EML4: variants seen among roughly 807,000 people sequenced by gnomAD.
EML4 encodes EMAP like 4, also known as echinoderm microtubule-associated protein-like 4.
A neutral mutation model predicts 129.0 loss-of-function variants in EML4; 72 were observed. That is an observed-to-expected ratio of 0.56 (90% CI 0.46 to 0.68). The LOEUF (loss-of-function observed/expected upper bound fraction) is 0.68, where lower values mean the gene tolerates loss of function less well. Ranked by LOEUF, EML4 falls within the 30% of genes least tolerant of loss-of-function variation. EML4 has a pLI of 0.00. For synonymous variants in EML4, 532 were observed against 405.0 expected (o/e 1.31, Z -3.77); for missense variants, 1,363 against 1,190.6 (o/e 1.14, Z -2.13).
At chr2:42,297,703 A>C (rs997985048) in intron 13 of EML4, among the ~76,000 whole-genome samples, 5 of 152,164 alleles carry the variant, frequency 3.3e-5, no homozygotes, top group Admixed American at 1.3e-4. Flanking sequence ...TCCAATTTAC[A>C]TATTCCCAAC....
At chr2:42,307,838 A>G (rs1445590326) in intron 17 of EML4, among the ~76,000 whole-genome samples, 1 of 152,128 alleles carries the variant, frequency 6.6e-6, no homozygotes, top group Non-Finnish European at 1.5e-5. Context: ...TATTTCTAGT[A>G]GAGACAGGGT....
intron 6 of EML4, among the ~76,000 whole-genome samples, 190 bp from the exon 7 acceptor site, chr2:42,280,660 G>A (rs1666953250): frequency 6.6e-6 from 1 of 152,166 alleles, no homozygotes; most frequent in South Asian, 2.1e-4. Context: ...GGTATCTGAG[G>A]AAGGTGTTCC....
At chr2:42,189,406 A>G (rs1037591267) in intron 1 of EML4, among the ~76,000 whole-genome samples, 2 of 152,156 alleles carry the variant, frequency 1.3e-5, no homozygotes, top group Non-Finnish European at 2.9e-5. Flanking sequence ...TAGCAAGACC[A>G]TGTCTCTACT....
At chr2:42,278,808 T>A (rs1425185361) in intron 6 of EML4, among the ~76,000 whole-genome samples, 2 of 151,824 alleles carry the variant, frequency 1.3e-5, no homozygotes, top group African/African-American at 4.8e-5. Context: ...TGGTGGCACA[T>A]GCCTATAATC....
At chr2:42,193,745 G>A (rs1044643537) in intron 1 of EML4, among the ~76,000 whole-genome samples, 1 of 151,832 alleles carries the variant, frequency 6.6e-6, no homozygotes, top group Non-Finnish European at 1.5e-5. Context: ...TTGTGCAGCA[G>A]CACAATCATG....
At chr2:42,329,093 ATAGGTTACTGAT>A (rs1314123359) in intron 22 of EML4, 77 bp downstream of exon 22, 1 of 1,446,006 alleles carries the variant, frequency 6.9e-7, no homozygotes, top group Non-Finnish European at 9.4e-7. Context: ...GCAAGAAAAT[ATAGGTTACTGAT>A]TCCTCTCCAT....
At chr2:42,316,462 A>C (rs915131859) in intron 18 of EML4, among the ~76,000 whole-genome samples, 8 of 152,250 alleles carry the variant, frequency 5.3e-5, no homozygotes, top group African/African-American at 1.7e-4. Context: ...AGGCCCTTCA[A>C]GTCCTTTAGA....
At chr2:42,273,795 A>ACTATTT in intron 6 of EML4, among the ~76,000 whole-genome samples, 1 of 152,282 alleles carries the variant, frequency 6.6e-6, no homozygotes, top group Non-Finnish European at 1.5e-5. Context: ...ACCCTTCTAA[A>ACTATTT]TTCCCTTTTA....
chr2:42,304,045 T>G (rs1454701475), intron 16 of EML4, among the ~76,000 whole-genome samples: 1 of 152,204 alleles, frequency 6.6e-6, no homozygotes, highest in Non-Finnish European at 1.5e-5. Context: ...ATGGAAACAT[T>G]TGTGCCTCGG....
intron 1 of EML4, among the ~76,000 whole-genome samples, chr2:42,214,700 C>T (rs1303104972): frequency 6.6e-6 from 1 of 152,084 alleles, no homozygotes; most frequent in Non-Finnish European, 1.5e-5. Flanking sequence ...GAGGGTCGTA[C>T]CTTTTGCATG....
chr2:42,187,049 C>CG (rs936585692), intron 1 of EML4, among the ~76,000 whole-genome samples: 58 of 15,202 alleles, frequency 3.8e-3, no homozygotes, highest in Non-Finnish European at 6.9e-3. Flanking sequence ...TTTTTTGGAG[C>CG]GGGGGGGTGG....
intron 6 of EML4, among the ~76,000 whole-genome samples, chr2:42,275,747 C>A (rs533919362): frequency 6.6e-6 from 1 of 152,298 alleles, no homozygotes; most frequent in South Asian, 2.1e-4. Context: ...CAGAAATTTT[C>A]ACCATACCAA....
rs147599768 is a variant in EML4 at position 42,234,928 on chromosome 2, G to A, written c.26-10577G>A. ...TCCCAACACTTTGGGAGGCCAAGGC[G>A]GGTGGATCACTGGAGGCCAGGAGTT... On this transcript the variant is annotated intron_variant, in intron 1 of 22. Transcript: ENST00000318522. Among the ~76,000 whole-genome samples the A allele has an allele frequency of 6.3e-3, 967 of 152,320 alleles. 6 individuals are homozygous for A. The highest frequency in any genetic ancestry group is 0.021 in the African/African-American group (884 of 41,572).
rs757226196 is a variant in EML4 at position 42,256,475 on chromosome 2, T to C, written c.209-26T>C. ...TTAAGGAATATATTCAAATTTGATA[T>C]AATTTTTTTCCTTAATTATCTTTAG... is the stretch of plus-strand genomic sequence containing the variant. On this transcript the variant is annotated intron_variant, in intron 2 of 22. Coordinates refer to ENST00000318522, the MANE Select transcript of EML4 (RefSeq NM_019063.5). The C allele has an allele frequency of 3.2e-6, 5 of 1,569,648 alleles. No homozygotes were observed. The South Asian group carries it at 3.6e-5, about 11-fold the overall frequency.
intron 3 of EML4, among the ~76,000 whole-genome samples, chr2:42,259,195 C>A (rs1318524375): frequency 6.7e-6 from 1 of 148,298 alleles, no homozygotes; most frequent in Non-Finnish European, 1.5e-5. Context: ...TGCAGTGAGC[C>A]AAGATCATAC....
chr2:42,250,000 G>A (rs1407403360), intron 2 of EML4, among the ~76,000 whole-genome samples: 2 of 152,212 alleles, frequency 1.3e-5, no homozygotes, highest in African/African-American at 4.8e-5. Context: ...CTGCCAAGAA[G>A]ATGAATTATG....
chr2:42,269,332 G>T (rs1407030532), intron 6 of EML4, among the ~76,000 whole-genome samples: 1 of 152,156 alleles, frequency 6.6e-6, no homozygotes. Context: ...CATTCTAACA[G>T]GTTACAGTTC....
chr2:42,259,617 T>A (rs1354116238), intron 3 of EML4, among the ~76,000 whole-genome samples: 1 of 152,008 alleles, frequency 6.6e-6, no homozygotes, highest in African/African-American at 2.4e-5. Flanking sequence ...CTTTCTAAAA[T>A]TTTTAGTTTC....
chr2:42,330,190 C>T lies in EML4; in HGVS notation c.2929C>T (p.Pro977Ser), dbSNP rs750934618. 1.9e-6 allele frequency: 3 copies of T among 1,612,398 alleles called. No homozygotes were observed. The highest frequency in any genetic ancestry group is 2.5e-6 in the Non-Finnish European group (3 of 1,179,760). ...CACCCTTCTGGAGGACCAGCAAGACCCTTCGCCCTCGTCCTAACACCCTGG... is the reference window on the plus strand; with the variant it reads ...CACCCTTCTGGAGGACCAGCAAGACTCTTCGCCCTCGTCCTAACACCCTGG... ...KATLLEDQQD[P>S]SPSS Residue 977 changes from proline to serine, a missense_variant, in exon 23 of 23, where the codon CCT (proline) becomes TCT (serine). By Grantham distance (74) the Pro-to-Ser change is moderately conservative. Transcript: ENST00000318522.
Sources: allele counts gnomAD v4.1 joint callset (sites outside exome capture counted in the v4.1 genomes callset), GRCh38; gene constraint gnomAD v4.1.1; transcripts MANE v1.5; gene names NCBI Gene and HGNC (gene_info 2026-07-23, HGNC 2026-07-21).